The following CADM2 variants were observed in gnomAD, a reference collection of about 807,000 sequenced individuals.
The protein encoded by CADM2 is cell adhesion molecule 2, also known as immunoglobulin superfamily member 4D.
In CADM2, 12 loss-of-function variants were observed where a neutral mutation model predicts 49.8. The observed-to-expected ratio is 0.24, with a 90% CI of 0.15 to 0.39. The LOEUF (loss-of-function observed/expected upper bound fraction) is 0.39. CADM2 is among the 10% of genes least tolerant of loss of function. The pLI is 1.00. For missense variants in CADM2, 378 were observed against 492.3 expected (o/e 0.77, Z 2.20); for synonymous variants, 214 against 175.4 (o/e 1.22, Z -1.74).
intron 1 of CADM2, among the ~76,000 whole-genome samples, chr3:85,056,986 C>G (rs2036105295): frequency 6.6e-6 from 1 of 152,088 alleles, no homozygotes; most frequent in Non-Finnish European, 1.5e-5. Flanking sequence ...CCTCAGCCAT[C>G]AAGTTTTTGA....
intron 1 of CADM2, among the ~76,000 whole-genome samples, chr3:85,697,312 G>T (rs2066599664): frequency 6.6e-6 from 1 of 151,812 alleles, no homozygotes; most frequent in Non-Finnish European, 1.5e-5. Flanking sequence ...TGATTTAGCT[G>T]ACAGATATAT....
chr3:85,582,524 T>C (rs1252690406), intron 1 of CADM2, among the ~76,000 whole-genome samples: 1 of 152,190 alleles, frequency 6.6e-6, no homozygotes, highest in East Asian at 1.9e-4. Flanking sequence ...CAAGTTTTGT[T>C]GAGGGCTCTC....
chr3:85,883,106 T>C (rs566025630), intron 3 of CADM2, among the ~76,000 whole-genome samples, 185 bp from the exon 4 acceptor site: 2 of 152,354 alleles, frequency 1.3e-5, no homozygotes, highest in South Asian at 4.1e-4. Context: ...AATTCTACTT[T>C]GATTTTTAAA....
chr3:85,218,627 C>G lies in CADM2; in HGVS notation c.61+258959C>G, dbSNP rs528299618. ...TCTGGCCAACATGGTGAAAACCTGT[C>G]TCTGCTAAAAACACAAAAATTAGCC... On this transcript the variant is annotated intron_variant, in intron 1 of 9. Transcript: ENST00000383699. Among the ~76,000 whole-genome samples the G allele has an allele frequency of 5.3e-5, 8 of 152,172 alleles. No individual in the cohort carries two copies. In the East Asian group the frequency reaches 7.8e-4, roughly 15 times the overall value.
chr3:85,115,636 A>G (rs1406353647), intron 1 of CADM2, among the ~76,000 whole-genome samples: 2 of 152,188 alleles, frequency 1.3e-5, no homozygotes, highest in Admixed American at 1.3e-4. Context: ...TTTCTTTGGT[A>G]AAAATCTAGG....
chr3:85,781,760 G>C (rs2070663145), intron 2 of CADM2, among the ~76,000 whole-genome samples: 1 of 152,162 alleles, frequency 6.6e-6, no homozygotes, highest in African/African-American at 2.4e-5. Flanking sequence ...TGTTTTGCCA[G>C]TGTTTTGGAG....
At chr3:86,028,183 C>T (rs1392447759) in intron 8 of CADM2, among the ~76,000 whole-genome samples, 1 of 148,248 alleles carries the variant, frequency 6.7e-6, no homozygotes, top group African/African-American at 2.5e-5. Flanking sequence ...CACGTGTACC[C>T]TAGAACTTAA....
At chr3:85,364,171 T>G (rs1164477154) in intron 1 of CADM2, among the ~76,000 whole-genome samples, 2 of 152,210 alleles carry the variant, frequency 1.3e-5, no homozygotes, top group Non-Finnish European at 2.9e-5. Flanking sequence ...AGAGTGATAT[T>G]GCCGTTTTAT....
At chr3:85,658,574 G>GTATATATATA (rs1553656698) in intron 1 of CADM2, among the ~76,000 whole-genome samples, 4 of 55,498 alleles carry the variant, frequency 7.2e-5, no homozygotes, top group African/African-American at 1.6e-4. Flanking sequence ...TTGGATATAT[G>GTATATATATA]TGTATATATA....
chr3:85,354,356 G>T (rs1442315859), intron 1 of CADM2, among the ~76,000 whole-genome samples: 2 of 117,374 alleles, frequency 1.7e-5, no homozygotes, highest in Non-Finnish European at 3.4e-5. Flanking sequence ...ACTGTTGTGG[G>T]GTGGGGGGAG....
intron 1 of CADM2, among the ~76,000 whole-genome samples, chr3:85,003,988 G>A (rs1380001752): frequency 2.0e-5 from 3 of 152,074 alleles, no homozygotes; most frequent in Non-Finnish European, 2.9e-5. Context: ...TAACCCTATT[G>A]ATAGTATTTG....
intron 1 of CADM2, among the ~76,000 whole-genome samples, chr3:85,027,766 G>A (rs1040653535): frequency 1.3e-5 from 2 of 152,050 alleles, no homozygotes; most frequent in African/African-American, 4.8e-5. Context: ...TTTGAGATAG[G>A]TATATTATAG....
At chr3:86,007,328 G>A (rs1372183308) in intron 8 of CADM2, among the ~76,000 whole-genome samples, 1 of 152,002 alleles carries the variant, frequency 6.6e-6, no homozygotes, top group East Asian at 1.9e-4. Context: ...TAAAAAAACA[G>A]CAGCCAGTGA....
At position 85,347,598 on chromosome 3, in the gene CADM2, C is replaced by CAT. The variant is rs780228121; in HGVS notation, c.62-378916_62-378915dup. ...ATATATACATATATACATATATATA[C>CAT]ATATATATAAAAATATATATACATA... On this transcript the variant is annotated intron_variant, in intron 1 of 9. Transcript: ENST00000383699. Among the ~76,000 whole-genome samples the CAT allele has an allele frequency of 4.0e-5, 5 of 125,282 alleles. 1 individual carries two copies. Among genetic ancestry groups the CAT allele is most frequent in the Non-Finnish European group, 6.7e-5 (4 of 60,016 alleles). The allele number at this position is 125,282 out of a possible 152,430, so 82.2% of individuals were successfully genotyped here.
chr3:85,891,552 T>C lies in CADM2; in HGVS notation c.529+5225T>C, dbSNP rs115419986. ...TCACTGTGGGCCCCTTTTGAGTTCA[T>C]CAAAGGGTGATTATCAAGGATGGGC... On this transcript the variant is annotated intron_variant, in intron 5 of 9. Coordinates refer to ENST00000383699, the MANE Select transcript of CADM2 (RefSeq NM_001167675.2). 9.1e-4 allele frequency among the ~76,000 whole-genome samples: 138 copies of C among 152,274 alleles called. 1 individual carries two copies. The highest frequency in any genetic ancestry group is 8.7e-4 in the Non-Finnish European group (59 of 68,014).
At chr3:85,201,312 G>A (rs1180215965) in intron 1 of CADM2, among the ~76,000 whole-genome samples, 1 of 152,128 alleles carries the variant, frequency 6.6e-6, no homozygotes, top group Non-Finnish European at 1.5e-5. Context: ...ACACTATACT[G>A]TAGTCTATCA....
At chr3:85,439,671 G>A (rs1015429834) in intron 1 of CADM2, among the ~76,000 whole-genome samples, 3 of 151,886 alleles carry the variant, frequency 2.0e-5, no homozygotes, top group Non-Finnish European at 2.9e-5. Context: ...CATCCAGTAT[G>A]CCATGTGTTT....
At position 86,068,047 on chromosome 3, in the gene CADM2, A is replaced by G. The variant is rs1239580481; in HGVS notation, c.*1264A>G. On this transcript the variant is annotated 3_prime_UTR_variant, in exon 10 of 10. Coordinates refer to ENST00000383699, the MANE Select transcript of CADM2 (RefSeq NM_001167675.2). ...TCATTTTGCAGTTCCAGAGCTGCTT[A>G]CCTATGTTGGTTTGCCAAAAAGAAG... 1 of 152,416 alleles carries G rather than the reference A, an allele frequency of 6.6e-6. No homozygotes were observed. Among genetic ancestry groups the G allele is most frequent in the Admixed American group, 6.5e-5 (1 of 15,268 alleles). The allele number at this position is 152,416 out of a possible 1,614,324, so 9.4% of individuals were successfully genotyped here.
intron 1 of CADM2, among the ~76,000 whole-genome samples, chr3:85,354,766 T>C (rs1178334488): frequency 6.6e-6 from 1 of 152,020 alleles, no homozygotes; most frequent in Non-Finnish European, 1.5e-5. Context: ...TACAGGCTGG[T>C]TATCCCACAG....
Sources: allele counts gnomAD v4.1 joint callset (sites outside exome capture counted in the v4.1 genomes callset), GRCh38; gene constraint gnomAD v4.1.1; transcripts MANE v1.5; gene names NCBI Gene and HGNC (gene_info 2026-07-23, HGNC 2026-07-21).